The following RALGPS1 variants were observed in gnomAD, a reference collection of about 807,000 sequenced individuals.
RALGPS1 encodes the protein Ral GEF with PH domain and SH3 binding motif 1.
A neutral mutation model predicts 78.8 loss-of-function variants in RALGPS1; 19 were observed. The observed-to-expected ratio is 0.24, with a 90% CI of 0.17 to 0.35. RALGPS1 has a LOEUF of 0.35. RALGPS1 is among the 10% of genes least tolerant of loss of function. RALGPS1 has a pLI of 1.00. For missense variants in RALGPS1, 454 were observed against 688.3 expected (o/e 0.66, Z 3.81); for synonymous variants, 228 against 256.3 (o/e 0.89, Z 1.06).
chr9:126,946,533 CAAAAAAAA>C (rs61279292), intron 1 of RALGPS1, among the ~76,000 whole-genome samples: 3 of 76,228 alleles, frequency 3.9e-5, no homozygotes, highest in South Asian at 1.1e-3. Context: ...GAATCTGTCT[CAAAAAAAA>C]AAAAAAAAAA....
At chr9:126,996,331 TA>T (rs1365234935) in intron 4 of RALGPS1, among the ~76,000 whole-genome samples, 1 of 151,916 alleles carries the variant, frequency 6.6e-6, no homozygotes, top group Admixed American at 6.5e-5. Context: ...ATAGATGCAA[TA>T]AAAAATGATA....
chr9:127,174,807 G>A (rs1466015935), intron 11 of RALGPS1, 25 bp downstream of exon 11: 1 of 1,604,636 alleles, frequency 6.2e-7, no homozygotes, highest in Admixed American at 1.7e-5. Flanking sequence ...TCGAGTGGGA[G>A]CAAACCCACT....
At position 127,143,770 on chromosome 9, in the gene RALGPS1, A is replaced by T. The variant is rs114713226; in HGVS notation, c.611-22299A>T. Reference sequence around the variant, plus strand: ...GAGTTAACGTTAAGTCATGATGTATAATTTAAGACAGAGATGAAAGAGTTC... The same window carrying T: ...GAGTTAACGTTAAGTCATGATGTATTATTTAAGACAGAGATGAAAGAGTTC... On this transcript the variant is annotated intron_variant, in intron 8 of 18. Coordinates refer to ENST00000259351, the MANE Select transcript of RALGPS1 (RefSeq NM_014636.3). Among the ~76,000 whole-genome samples, 666 of 152,356 alleles carry T rather than the reference A, an allele frequency of 4.4e-3. 3 individuals carry two copies. Among genetic ancestry groups the T allele is most frequent in the African/African-American group, 0.015 (632 of 41,578 alleles).
intron 8 of RALGPS1, among the ~76,000 whole-genome samples, chr9:127,136,016 T>A (rs1282215014): frequency 6.6e-6 from 1 of 152,180 alleles, no homozygotes; most frequent in Non-Finnish European, 1.5e-5. Flanking sequence ...CATAGCATAG[T>A]CGGGGAGTGG....
chr9:126,958,126 T>TAAAAAAA (rs11290290), intron 1 of RALGPS1, among the ~76,000 whole-genome samples: 91 of 77,522 alleles, frequency 1.2e-3, no homozygotes, highest in Non-Finnish European at 1.8e-3. Flanking sequence ...GCTGTCTCTT[T>TAAAAAAA]AAAAAAAAAA....
In RALGPS1 at chr9:127,013,154, G is replaced by A. The variant is rs1279357649; in HGVS notation, c.217-21277G>A. Reference sequence around the variant, plus strand: ...AGCTTGAACACAGGTAAGGCAGTTGGGAAGAAAGTGGCCATGTACAGGGAC... The same window carrying A: ...AGCTTGAACACAGGTAAGGCAGTTGAGAAGAAAGTGGCCATGTACAGGGAC... On this transcript the variant is annotated intron_variant, in intron 4 of 18. Transcript: ENST00000259351. 7.9e-5 allele frequency among the ~76,000 whole-genome samples: 12 copies of A among 152,184 alleles called. No homozygotes were observed. The East Asian group carries it at 2.3e-3, about 29-fold the overall frequency.
intron 8 of RALGPS1, among the ~76,000 whole-genome samples, chr9:127,116,479 G>A (rs1258115417): frequency 6.6e-6 from 1 of 152,222 alleles, no homozygotes; most frequent in Non-Finnish European, 1.5e-5. Flanking sequence ...GGCCAACAGA[G>A]CAGAGGCGGG....
intron 4 of RALGPS1, among the ~76,000 whole-genome samples, chr9:126,991,395 T>C (rs910699731): frequency 6.6e-6 from 1 of 152,176 alleles, no homozygotes; most frequent in Non-Finnish European, 1.5e-5. Context: ...ATTTTTTTTT[T>C]CCTTCTTGAG....
chr9:127,187,777 A>G (rs1296699295), intron 11 of RALGPS1, among the ~76,000 whole-genome samples: 2 of 152,286 alleles, frequency 1.3e-5, no homozygotes, highest in East Asian at 1.9e-4. Context: ...TGCAAAACCA[A>G]AACAAAGCAG....
chr9:127,018,905 TG>T (rs1462509040), intron 4 of RALGPS1, among the ~76,000 whole-genome samples: 2 of 152,200 alleles, frequency 1.3e-5, no homozygotes, highest in Non-Finnish European at 2.9e-5. Context: ...TATAATCTGA[TG>T]GGACCACTGT....
intron 8 of RALGPS1, among the ~76,000 whole-genome samples, chr9:127,109,032 C>T (rs936594144): frequency 6.6e-6 from 1 of 152,196 alleles, no homozygotes; most frequent in Non-Finnish European, 1.5e-5. Context: ...GGCCATGGCC[C>T]TGCTACTCCC....
chr9:127,142,143 C>T (rs1021108828), intron 8 of RALGPS1, among the ~76,000 whole-genome samples: 2 of 152,166 alleles, frequency 1.3e-5, no homozygotes, highest in African/African-American at 4.8e-5. Context: ...TCCTGCCCTG[C>T]GGTCTGAGCC....
intron 14 of RALGPS1, among the ~76,000 whole-genome samples, chr9:127,204,618 G>C (rs10760480): frequency 1.3e-5 from 2 of 152,078 alleles, no homozygotes; most frequent in African/African-American, 4.8e-5. Flanking sequence ...CTGTGGGAGG[G>C]CCCCTCTAAG....
chr9:127,104,687 C>T (rs533538359), intron 8 of RALGPS1, among the ~76,000 whole-genome samples: 1 of 152,332 alleles, frequency 6.6e-6, no homozygotes, highest in African/African-American at 2.4e-5. Context: ...GCTTGTGGTA[C>T]AGCTTCAGAT....
intron 11 of RALGPS1, among the ~76,000 whole-genome samples, chr9:127,176,628 A>G (rs558523668): frequency 2.4e-4 from 36 of 152,330 alleles, no homozygotes; most frequent in African/African-American, 6.5e-4. Flanking sequence ...CTTCAGTTCA[A>G]TAGCCTTCAC....
At chr9:126,936,616 G>A (rs1185098326) in intron 1 of RALGPS1, among the ~76,000 whole-genome samples, 1 of 151,940 alleles carries the variant, frequency 6.6e-6, no homozygotes, top group Non-Finnish European at 1.5e-5. Context: ...ACAGTGGGCT[G>A]GTATCTCCAG....
At chr9:126,988,975 A>G (rs1030160369) in intron 4 of RALGPS1, among the ~76,000 whole-genome samples, 3 of 152,166 alleles carry the variant, frequency 2.0e-5, no homozygotes, top group African/African-American at 7.2e-5. Flanking sequence ...ATGGCCTGAA[A>G]AAAGGCTGAA....
chr9:126,940,470 C>T (rs926588233), intron 1 of RALGPS1, among the ~76,000 whole-genome samples: 2 of 143,304 alleles, frequency 1.4e-5, no homozygotes, highest in Admixed American at 7.0e-5. Flanking sequence ...GATGGAGTCT[C>T]GCTCTGTTGC....
At chr9:127,024,423 C>T (rs1032294875) in intron 4 of RALGPS1, among the ~76,000 whole-genome samples, 4 of 149,502 alleles carry the variant, frequency 2.7e-5, no homozygotes, top group African/African-American at 4.9e-5. Context: ...ATCTTGTGAC[C>T]GCTCACTTCC....
Sources: gnomAD v4.1 joint callset for allele counts (sites outside exome capture counted in the v4.1 genomes callset) on GRCh38, gnomAD v4.1.1 for gene constraint, MANE v1.5 for transcripts, NCBI Gene and HGNC (gene_info 2026-07-23, HGNC 2026-07-21) for gene names.